Variants in COL4A2 observed in about 807,000 individuals in gnomAD.
COL4A2 encodes collagen alpha-2(IV) chain.
COL4A2 carries 99 observed loss-of-function variants against 200.2 expected under a neutral mutation model. That is an observed-to-expected ratio of 0.49 (90% CI 0.42 to 0.58). COL4A2 has a LOEUF of 0.58. Among genes scored for constraint, COL4A2 ranks in the 20% least tolerant of loss-of-function variants. The pLI, the probability that COL4A2 is intolerant of heterozygous loss-of-function variation, is 0.00. For missense variants in COL4A2, 1,950 were observed against 2,314.1 expected (o/e 0.84, Z 3.23); for synonymous variants, 897 against 900.6 (o/e 1.00, Z 0.07).
At chr13:110,353,094 T>C (rs1022067940) in intron 3 of COL4A2, among the ~76,000 whole-genome samples, 2 of 152,160 alleles carry the variant, frequency 1.3e-5, no homozygotes, top group East Asian at 1.9e-4. Context: ...TAATGGAGGA[T>C]TGAATTGATG....
At chr13:110,509,710 C>T (rs540614438) in intron 47 of COL4A2, among the ~76,000 whole-genome samples, 14 of 152,080 alleles carry the variant, frequency 9.2e-5, no homozygotes, top group Admixed American at 2.0e-4. Context: ...ATGACTGTCA[C>T]GAGATAAGCA....
At chr13:110,486,339 G>A (rs1883118305) in intron 34 of COL4A2, among the ~76,000 whole-genome samples, 1 of 152,148 alleles carries the variant, frequency 6.6e-6, no homozygotes, top group Admixed American at 6.5e-5. Context: ...CCCTGGGCAG[G>A]GCTCTCTTCT....
chr13:110,408,741 A>C (rs4773178), intron 4 of COL4A2, among the ~76,000 whole-genome samples: 114,404 of 151,770 alleles, frequency 0.75, 43,455 homozygotes, highest in East Asian at 0.93. Flanking sequence ...TGAGACAAAC[A>C]CAGGTCATAA....
At chr13:110,438,596 C>A (rs774945719) in intron 14 of COL4A2, 22 bp from the exon 15 acceptor site, 5 of 1,614,164 alleles carry the variant, frequency 3.1e-6, no homozygotes, top group Non-Finnish European at 4.2e-6. Flanking sequence ...TTGCTCCTTA[C>A]GCCCCCTCTG....
chr13:110,458,701 C>T, intron 21 of COL4A2, 70 bp from the exon 22 acceptor site: 1 of 1,596,964 alleles, frequency 6.3e-7, no homozygotes, highest in Non-Finnish European at 8.6e-7. Flanking sequence ...TCCCCGCTGC[C>T]TGATACCCCT....
rs534307504 is a variant in COL4A2, at chr13:110,410,288, T to G, written c.181-14446T>G. Among the ~76,000 whole-genome samples, 3 of 152,354 alleles carry G rather than the reference T, an allele frequency of 2.0e-5. No homozygotes were observed. The East Asian group carries it at 5.8e-4, about 29-fold the overall frequency. ...TATCACACTCAAAGTTAGCCCAGGT[T>G]GTTCTCTAGGCGTTGTTGCCAAGCT... is the stretch of plus-strand genomic sequence containing the variant. On this transcript the variant is annotated intron_variant, in intron 4 of 47. Transcript: ENST00000360467.
intron 22 of COL4A2, among the ~76,000 whole-genome samples, chr13:110,460,095 A>G (rs988545677): frequency 2.0e-5 from 3 of 152,234 alleles, no homozygotes; most frequent in Non-Finnish European, 4.4e-5. Flanking sequence ...GGAAATTTAT[A>G]AAGCAAAAAG....
intron 4 of COL4A2, among the ~76,000 whole-genome samples, chr13:110,422,655 T>C (rs1260503053): frequency 1.3e-5 from 2 of 152,212 alleles, no homozygotes; most frequent in Non-Finnish European, 2.9e-5. Context: ...CCAGCTCCCC[T>C]TGGTTTGAGG....
chr13:110,330,659 G>A (rs896679260), intron 3 of COL4A2, among the ~76,000 whole-genome samples: 13 of 152,126 alleles, frequency 8.5e-5, no homozygotes, highest in African/African-American at 1.2e-4. Context: ...TCTCCGATCC[G>A]CAGGGCACGA....
At chr13:110,348,812 T>C (rs1196312980) in intron 3 of COL4A2, among the ~76,000 whole-genome samples, 1 of 152,250 alleles carries the variant, frequency 6.6e-6, no homozygotes, top group Non-Finnish European at 1.5e-5. Context: ...CACAATCCAA[T>C]CGTCAGCTAT....
intron 3 of COL4A2, among the ~76,000 whole-genome samples, chr13:110,312,003 G>A (rs1594138629): frequency 6.6e-6 from 1 of 152,254 alleles, no homozygotes; most frequent in Admixed American, 6.5e-5. Flanking sequence ...CTTTGGTACA[G>A]GGAGGAGAGG....
At chr13:110,395,900 G>A (rs188792615) in intron 4 of COL4A2, among the ~76,000 whole-genome samples, 21 of 152,276 alleles carry the variant, frequency 1.4e-4, no homozygotes, top group Admixed American at 1.2e-3. Context: ...AGCCAAGATC[G>A]CGCCACAGCA....
At chr13:110,439,016 T>C (rs1881023965) in intron 15 of COL4A2, among the ~76,000 whole-genome samples, 1 of 152,182 alleles carries the variant, frequency 6.6e-6, no homozygotes, top group African/African-American at 2.4e-5. Context: ...ACCAGAAATG[T>C]AGAATATCTC....
At chr13:110,473,203 C>G in intron 29 of COL4A2, 53 bp downstream of exon 29, 1 of 1,504,620 alleles carries the variant, frequency 6.6e-7, no homozygotes, top group Non-Finnish European at 9.0e-7. Context: ...ACAGTGGCCT[C>G]CAAGGGCGAC....
At chr13:110,510,244 T>C (rs1048659197) in intron 47 of COL4A2, among the ~76,000 whole-genome samples, 2 of 152,214 alleles carry the variant, frequency 1.3e-5, no homozygotes, top group African/African-American at 4.8e-5. Context: ...ATTTTCTGCA[T>C]TCCCTACAAG....
At position 110,456,782 on chromosome 13, in the gene COL4A2, G is replaced by A. The variant is rs113122708; in HGVS notation, c.1340-561G>A. ...TCCTTGATGCTGGTGCCTCACAACT[G>A]GGTGGGATGCCGGGCACCCATGGTG... is the stretch of plus-strand genomic sequence containing the variant. On this transcript the variant is annotated intron_variant, in intron 20 of 47. Transcript: ENST00000360467. 934 of 478,330 alleles carry A rather than the reference G, an allele frequency of 2.0e-3. 3 individuals carry two copies. The highest frequency in any genetic ancestry group is 0.014 in the African/African-American group (715 of 50,514). The allele number at this position is 478,330 out of a possible 1,614,324, so 29.6% of individuals were successfully genotyped here.
chr13:110,472,477 A>G (rs988507577), intron 28 of COL4A2, among the ~76,000 whole-genome samples: 3 of 152,096 alleles, frequency 2.0e-5, no homozygotes, highest in Non-Finnish European at 2.9e-5. Flanking sequence ...GGTTTCTACC[A>G]GGGAGATGTT....
chr13:110,366,105 G>T (rs1169350395), intron 4 of COL4A2, among the ~76,000 whole-genome samples: 10 of 152,164 alleles, frequency 6.6e-5, no homozygotes, highest in Non-Finnish European at 1.5e-4. Flanking sequence ...TAGCACTGAA[G>T]CATTTCCCCC....
chr13:110,485,074 C>T (rs1404710216), intron 33 of COL4A2, 47 bp downstream of exon 33: 1 of 1,486,232 alleles, frequency 6.7e-7, no homozygotes, highest in South Asian at 1.3e-5. Context: ...CCTGCCGCCC[C>T]AGCCCGCACC....
Sources: allele counts gnomAD v4.1 joint callset (sites outside exome capture counted in the v4.1 genomes callset), GRCh38; gene constraint gnomAD v4.1.1; transcripts MANE v1.5; gene names NCBI Gene and HGNC (gene_info 2026-07-23, HGNC 2026-07-21).